NXPE3: variants seen among roughly 807,000 people sequenced by gnomAD.
NXPE3 encodes neurexophilin and PC-esterase domain family member 3, also known as NXPE family member 3.
A neutral mutation model predicts 46.1 loss-of-function variants in NXPE3; 26 were observed. The observed-to-expected ratio is 0.56, with a 90% CI of 0.41 to 0.78. The LOEUF is 0.78. NXPE3 is among the 30% of genes least tolerant of loss of function. The pLI, the probability that NXPE3 is intolerant of heterozygous loss-of-function variation, is 0.00. For synonymous variants in NXPE3, 272 were observed against 257.9 expected, an observed-to-expected ratio of 1.05 and a Z score of -0.52; for missense variants, 620 against 686.0, an observed-to-expected ratio of 0.90 and a Z score of 1.07.
At position 101,821,485 on chromosome 3, in the gene NXPE3, A is replaced by G. The variant is rs757207291; in HGVS notation, c.1211A>G (p.Lys404Arg). Residue 404 changes from lysine (K) to arginine (R), a missense_variant, in exon 8 of 8, where the codon AAA (lysine) becomes AGA (arginine). Around this residue, in one of 3 missense-constraint regions of NXPE3, gnomAD observed 511 missense variants for 528.6 expected, o/e 0.97. Coordinates refer to ENST00000273347, the MANE Select transcript of NXPE3 (RefSeq NM_145037.4). ...GACCAGAAGCACAACATCCTGCTCA[A>G]ATACCGCTGCCATGGTCCACCCATC... ...AVDQKHNILL[K>R]YRCHGPPIRF... is the part of the protein sequence containing the mutation. The G allele has an allele frequency of 1.2e-6, 2 of 1,614,170 alleles. No homozygotes were observed. The highest frequency in any genetic ancestry group is 1.1e-5 in the South Asian group (1 of 91,082).
intron 4 of NXPE3, among the ~76,000 whole-genome samples, chr3:101,789,013 C>G (rs920580951): frequency 6.6e-6 from 1 of 152,160 alleles, no homozygotes; most frequent in South Asian, 2.1e-4. Context: ...TCTTATTACT[C>G]CTGATCACTC....
chr3:101,807,524 A>G (rs1941474625), intron 6 of NXPE3, among the ~76,000 whole-genome samples: 1 of 151,690 alleles, frequency 6.6e-6, no homozygotes, highest in Admixed American at 6.6e-5. Flanking sequence ...AATTTTTGCC[A>G]TGTTGCCCAG....
chr3:101,816,692 C>A, intron 6 of NXPE3, 103 bp from the exon 7 acceptor site: 1 of 848,722 alleles, frequency 1.2e-6, no homozygotes, highest in Non-Finnish European at 1.8e-6. Context: ...TTCCCACATG[C>A]TATCAGGCTA....
chr3:101,815,624 G>T (rs974201561), intron 6 of NXPE3, among the ~76,000 whole-genome samples: 1 of 152,190 alleles, frequency 6.6e-6, no homozygotes, highest in African/African-American at 2.4e-5. Context: ...AGCACTTTGG[G>T]AGGTCGAGGC....
intron 5 of NXPE3, among the ~76,000 whole-genome samples, chr3:101,803,951 T>C (rs187292714): frequency 2.0e-5 from 3 of 152,338 alleles, no homozygotes; most frequent in Non-Finnish European, 4.4e-5. Flanking sequence ...TAAGTTATTA[T>C]GGATACATCC....
intron 4 of NXPE3, among the ~76,000 whole-genome samples, chr3:101,797,225 T>G (rs946491304): frequency 3.3e-5 from 5 of 152,128 alleles, no homozygotes; most frequent in African/African-American, 1.2e-4. Context: ...TTTGGGTAGT[T>G]AGCACTAATT....
intron 6 of NXPE3, among the ~76,000 whole-genome samples, chr3:101,813,028 C>T (rs971606792): frequency 6.6e-6 from 1 of 152,044 alleles, no homozygotes; most frequent in Admixed American, 6.6e-5. Flanking sequence ...AACTCAAACT[C>T]AAGCCATTAC....
chr3:101,817,893 TATTG>T (rs1174667217), intron 7 of NXPE3, among the ~76,000 whole-genome samples: 2 of 152,280 alleles, frequency 1.3e-5, no homozygotes, highest in South Asian at 2.1e-4. Context: ...AACTTAGTTT[TATTG>T]ATTGATTGAT....
chr3:101,785,807 A>G, intron 4 of NXPE3, 118 bp downstream of exon 4: 2 of 786,360 alleles, frequency 2.5e-6, no homozygotes, highest in Non-Finnish European at 4.5e-6. Context: ...TCTTGTTTTC[A>G]TTTATTCGGT....
intron 6 of NXPE3, among the ~76,000 whole-genome samples, chr3:101,816,004 A>C (rs1941954251): frequency 6.6e-6 from 1 of 151,786 alleles, no homozygotes; most frequent in Non-Finnish European, 1.5e-5. Flanking sequence ...CGGAAAAAAA[A>C]AAAGCAAAAC....
At chr3:101,795,614 G>A (rs1273926505) in intron 4 of NXPE3, among the ~76,000 whole-genome samples, 2 of 151,318 alleles carry the variant, frequency 1.3e-5, no homozygotes, top group Non-Finnish European at 2.9e-5. Flanking sequence ...TTATTTCTCC[G>A]ATAAACTCTC....
At chr3:101,793,958 C>T (rs879935203) in intron 4 of NXPE3, among the ~76,000 whole-genome samples, 1 of 152,024 alleles carries the variant, frequency 6.6e-6, no homozygotes. Context: ...ACCGGGGCTC[C>T]TCTTCCTGTG....
chr3:101,814,594 A>G (rs1480292558), intron 6 of NXPE3, among the ~76,000 whole-genome samples: 1 of 152,226 alleles, frequency 6.6e-6, no homozygotes, highest in African/African-American at 2.4e-5. Flanking sequence ...AGCTAAAAGT[A>G]GTCACAAATA....
chr3:101,819,819 A>G (rs1403525885), intron 7 of NXPE3, among the ~76,000 whole-genome samples: 3 of 152,228 alleles, frequency 2.0e-5, no homozygotes, highest in African/African-American at 7.2e-5. Flanking sequence ...ATTATTTACT[A>G]TGGTTACCAT....
At chr3:101,810,091 C>T (rs1444287704) in intron 6 of NXPE3, among the ~76,000 whole-genome samples, 1 of 152,162 alleles carries the variant, frequency 6.6e-6, no homozygotes, top group Non-Finnish European at 1.5e-5. Flanking sequence ...GGCATAATTC[C>T]AGTCAAAAGC....
At chr3:101,811,562 A>G (rs1941707051) in intron 6 of NXPE3, among the ~76,000 whole-genome samples, 1 of 152,144 alleles carries the variant, frequency 6.6e-6, no homozygotes, top group Non-Finnish European at 1.5e-5. Context: ...AGGGAATAAG[A>G]TGAAAATTTA....
At position 101,822,235 on chromosome 3, in the gene NXPE3, G is replaced by T; in HGVS notation, c.*281G>T. ...ACCAAAGATGCTAATGAGTGTATTT[G>T]AATTAGCTTCTCCTAGGAGGGGTGA... On this transcript the variant is annotated 3_prime_UTR_variant, in exon 8 of 8. Coordinates refer to ENST00000273347, the MANE Select transcript of NXPE3 (RefSeq NM_145037.4). 1 of 364,146 alleles carries T rather than the reference G, an allele frequency of 2.7e-6. No individual in the cohort carries two copies. 22.6% of individuals were successfully genotyped at this position (364,146 alleles called of 1,614,324 possible). A position where few individuals can be genotyped will look rare whatever the true frequency, so the allele number is the denominator to read the frequency against.
intron 6 of NXPE3, among the ~76,000 whole-genome samples, chr3:101,815,520 C>T (rs1358371939): frequency 1.3e-5 from 2 of 152,138 alleles, no homozygotes; most frequent in Admixed American, 1.3e-4. Context: ...TGCTTATGTC[C>T]ACACATTTCC....
In NXPE3 at chr3:101,827,318, A is replaced by C. The variant is rs551343818; in HGVS notation, c.*5364A>C. 3.4e-4 allele frequency: 52 copies of C among 152,314 alleles called. No homozygotes were observed. Among genetic ancestry groups the C allele is most frequent in the African/African-American group, 1.2e-3 (49 of 41,566 alleles). 9.4% of individuals were successfully genotyped at this position (152,314 alleles called of 1,614,324 possible). A position where few individuals can be genotyped will look rare whatever the true frequency, so the allele number is the denominator to read the frequency against. On this transcript the variant is annotated 3_prime_UTR_variant, in exon 8 of 8. Transcript: ENST00000273347. ...AGGAGAAATCCTTTCAGTTTTGTGC[A>C]GTGGTTCATTTGCTGTTAAATCTAC...
Sources: gnomAD v4.1 joint callset for allele counts (sites outside exome capture counted in the v4.1 genomes callset) on GRCh38, gnomAD v4.1.1 for gene constraint, gnomAD v4.1.1 regional missense constraint, MANE v1.5 for transcripts, NCBI Gene and HGNC (gene_info 2026-07-23, HGNC 2026-07-21) for gene names.